The following ZNF562 variants were observed in gnomAD, a reference collection of about 807,000 sequenced individuals.
The protein encoded by ZNF562 is zinc finger protein 562.
A neutral mutation model predicts 17.5 loss-of-function variants in ZNF562; 13 were observed. That is an observed-to-expected ratio of 0.74 (90% CI 0.48 to 1.18). The LOEUF (loss-of-function observed/expected upper bound fraction) is 1.18. Ranked by LOEUF, ZNF562 falls within the 50% of genes most tolerant of loss-of-function variation. The pLI is 0.00. For synonymous variants in ZNF562, 163 were observed against 165.4 expected (o/e 0.99, Z 0.11); for missense variants, 481 against 498.5 (o/e 0.96, Z 0.33).
rs914689942 is a variant in ZNF562, at chr19:9,647,569, T to C, written c.*5380A>G. On this transcript the variant is annotated 3_prime_UTR_variant, in exon 6 of 6. Coordinates refer to ENST00000453372, the MANE Select transcript of ZNF562 (RefSeq NM_001130031.2). ...TAACTTTTTAAAATATTTTGCAGTA[T>C]TGGCCGGGCACAGTGGCTTGTGCCT... is the stretch of plus-strand genomic sequence containing the variant. The C allele has an allele frequency of 6.6e-6, 1 of 152,038 alleles. No homozygotes were observed. The highest frequency in any genetic ancestry group is 2.4e-5 in the African/African-American group (1 of 41,412). The allele number at this position is 152,038 out of a possible 1,614,324, so 9.4% of individuals were successfully genotyped here. A position where few individuals can be genotyped will look rare whatever the true frequency, so the allele number is the denominator to read the frequency against.
At position 9,649,401 on chromosome 19, in the gene ZNF562, C is replaced by A. The variant is rs2074837785; in HGVS notation, c.*3548G>T. The A allele has an allele frequency of 6.6e-6, 1 of 152,190 alleles. No homozygotes were observed. Among genetic ancestry groups the A allele is most frequent in the African/African-American group, 2.4e-5 (1 of 41,448 alleles). The allele number at this position is 152,190 out of a possible 1,614,324, so 9.4% of individuals were successfully genotyped here. On this transcript the variant is annotated 3_prime_UTR_variant, in exon 6 of 6. Coordinates refer to ENST00000453372, the MANE Select transcript of ZNF562 (RefSeq NM_001130031.2). ...GAAACAAGAGAGATAACCTTAAATTCTGACCGCCGGTGAGCCAGGTGGAAC... is the reference window on the plus strand; with the variant it reads ...GAAACAAGAGAGATAACCTTAAATTATGACCGCCGGTGAGCCAGGTGGAAC...
chr19:9,652,986 C>T lies in ZNF562; in HGVS notation c.1244G>A (p.Arg415His), dbSNP rs1304203141. The T allele has an allele frequency of 1.6e-5, 24 of 1,514,918 alleles. No individual in the cohort carries two copies. The highest frequency in any genetic ancestry group is 2.8e-5 in the South Asian group (2 of 72,120). 93.8% of individuals were successfully genotyped at this position (1,514,918 alleles called of 1,614,324 possible). A position where few individuals can be genotyped will look rare whatever the true frequency, so the allele number is the denominator to read the frequency against. Residue 415 changes from arginine (R) to histidine (H), a missense_variant, in exon 6 of 6, where the codon CGT becomes CAT. Arg to His is a conservative substitution (Grantham distance 29). Coordinates refer to ENST00000453372, the MANE Select transcript of ZNF562 (RefSeq NM_001130031.2). ...ACTGTGAGTTTTCAAATGTTTACTA[C>T]GATGGGAAGAAGTAATGAAGGTCTT... ...CGKTFITSSH[R>H]SKHLKTHSGE...
intron 2 of ZNF562, among the ~76,000 whole-genome samples, chr19:9,659,702 T>A (rs2043649086): frequency 6.6e-6 from 1 of 151,772 alleles, no homozygotes; most frequent in Non-Finnish European, 1.5e-5. Flanking sequence ...TCAAGGAAAC[T>A]TACACCCTGA....
At position 9,663,248 on chromosome 19, in the gene ZNF562, C is replaced by CA. The variant is rs59452070; in HGVS notation, c.-130-2375dup. On this transcript the variant is annotated intron_variant, in intron 1 of 5. Coordinates refer to ENST00000453372, the MANE Select transcript of ZNF562 (RefSeq NM_001130031.2). Reference sequence around the variant, plus strand: ...TGAAACCTCGTCTCTACTAAAAATACAAAAAAAAAAAAAATTGCCAGGCAT... The same window carrying CA: ...TGAAACCTCGTCTCTACTAAAAATACAAAAAAAAAAAAAAATTGCCAGGCAT... Among the ~76,000 whole-genome samples the CA allele has an allele frequency of 4.9e-3, 635 of 129,840 alleles. 7 individuals carry two copies. The highest frequency in any genetic ancestry group is 0.011 in the African/African-American group (381 of 34,202). The allele number at this position is 129,840 out of a possible 152,430, so 85.2% of individuals were successfully genotyped here.
At position 9,653,862 on chromosome 19, in the gene ZNF562, C is replaced by G. The variant is rs1036765930; in HGVS notation, c.368G>C (p.Gly123Ala). 1.9e-6 allele frequency: 3 copies of G among 1,584,424 alleles called. No individual in the cohort carries two copies. In the African/African-American group the frequency reaches 4.1e-5, roughly 21 times the overall value. The change falls in exon 6 of 6, where the codon GGA becomes GCA. Residue 123 changes from glycine (G) to alanine (A), a missense_variant. Coordinates refer to ENST00000453372, the MANE Select transcript of ZNF562 (RefSeq NM_001130031.2). ...TCCACAATTCTCACAGAGTTTCCAT[C>G]CACTGTAGCTTCTTGTCTGCTGATG... ...GIQMQTRSYS[G>A]WKLCENCGEV...
At position 9,647,688 on chromosome 19, in the gene ZNF562, T is replaced by C. The variant is rs1441696222; in HGVS notation, c.*5261A>G. The C allele has an allele frequency of 6.6e-6, 1 of 152,034 alleles. No homozygotes were observed. The highest frequency in any genetic ancestry group is 1.9e-4 in the East Asian group (1 of 5,170). 9.4% of individuals were successfully genotyped at this position (152,034 alleles called of 1,614,324 possible). Reference sequence around the variant, plus strand: ...GCCAACTTGATGAAACCGTCTCTACTAAAAATACAAAAATCAGCCAGGCAA... The same window carrying C: ...GCCAACTTGATGAAACCGTCTCTACCAAAAATACAAAAATCAGCCAGGCAA... On this transcript the variant is annotated 3_prime_UTR_variant, in exon 6 of 6. Coordinates refer to ENST00000453372, the MANE Select transcript of ZNF562 (RefSeq NM_001130031.2).
chr19:9,659,559 C>T, intron 2 of ZNF562, 92 bp from the exon 3 acceptor site: 5 of 1,441,854 alleles, frequency 3.5e-6, no homozygotes, highest in Non-Finnish European at 4.6e-6. Flanking sequence ...TTCCCATATG[C>T]TCCTGCACAC....
In ZNF562 at chr19:9,644,086, TACCTGGC is replaced by T; in HGVS notation, c.*8856_*8862del. The T allele has an allele frequency of 6.6e-6, 1 of 152,042 alleles. No individual in the cohort carries two copies. The highest frequency in any genetic ancestry group is 2.4e-5 in the African/African-American group (1 of 41,416). The allele number at this position is 152,042 out of a possible 1,614,324, so 9.4% of individuals were successfully genotyped here. On this transcript the variant is annotated 3_prime_UTR_variant, in exon 6 of 6. Coordinates refer to ENST00000453372, the MANE Select transcript of ZNF562 (RefSeq NM_001130031.2). Reference sequence around the variant, plus strand: ...GGGATTACAGGCATGTGAGCCACCGTACCTGGCTTACTTAGTGAATTTGTACCAATAT... The same window carrying T: ...GGGATTACAGGCATGTGAGCCACCGTTTACTTAGTGAATTTGTACCAATAT...
intron 3 of ZNF562, 46 bp downstream of exon 3, chr19:9,659,333 T>C: frequency 6.7e-7 from 1 of 1,483,794 alleles, no homozygotes; most frequent in Non-Finnish European, 9.2e-7. Context: ...GTCTACCTAT[T>C]GGATGTAAGT....
intron 1 of ZNF562, among the ~76,000 whole-genome samples, chr19:9,674,013 G>T (rs987345990): frequency 6.6e-6 from 1 of 152,210 alleles, no homozygotes; most frequent in Non-Finnish European, 1.5e-5. Context: ...AGAAGGGTGT[G>T]CCCTCACAGA....
In ZNF562 at chr19:9,653,606, T is replaced by C. The variant is rs149621448; in HGVS notation, c.624A>G (p.Glu208=). The C allele has an allele frequency of 3.5e-5, 56 of 1,614,048 alleles. No individual in the cohort carries two copies. The African/African-American group carries it at 7.1e-4, about 20-fold the overall frequency. ...LNGRQPYKCK[E]CGKGFKYFAS... ...CAAAATACTTAAAGCCTTTTCCACATTCCTTACATTTGTAGGGTTGTCTTC... is the reference window on the plus strand; with the variant it reads ...CAAAATACTTAAAGCCTTTTCCACACTCCTTACATTTGTAGGGTTGTCTTC... The change falls in exon 6 of 6, where the codon GAA becomes GAG. Residue 208 remains glutamate, a synonymous_variant. Coordinates refer to ENST00000453372, the MANE Select transcript of ZNF562 (RefSeq NM_001130031.2).
At position 9,655,717 on chromosome 19, in the gene ZNF562, CTTTTTTTTTTTTTTTTTTTT is replaced by C. The variant is rs58199071; in HGVS notation, c.348+810_348+829del. Among the ~76,000 whole-genome samples, 50 of 48,700 alleles carry C rather than the reference CTTTTTTTTTTTTTTTTTTTT, an allele frequency of 1.0e-3. 1 individual carries two copies. Among genetic ancestry groups the C allele is most frequent in the South Asian group, 9.7e-3 (7 of 722 alleles). The allele number at this position is 48,700 out of a possible 152,430, so 31.9% of individuals were successfully genotyped here. On this transcript the variant is annotated intron_variant, in intron 5 of 5. Coordinates refer to ENST00000453372, the MANE Select transcript of ZNF562 (RefSeq NM_001130031.2). Reference sequence around the variant, plus strand: ...TTACAGGATTCACTTTCTTTTCTTTCTTTTTTTTTTTTTTTTTTTTTTTTTTTTTTTTTTTAGATGGAGTC... The same window carrying C: ...TTACAGGATTCACTTTCTTTTCTTTCTTTTTTTTTTTTTTTAGATGGAGTC...
At position 9,645,110 on chromosome 19, in the gene ZNF562, C is replaced by G. The variant is rs1417706501; in HGVS notation, c.*7839G>C. 6.6e-6 allele frequency: 1 copy of G among 151,320 alleles called. No homozygotes were observed. Among genetic ancestry groups the G allele is most frequent in the Non-Finnish European group, 1.5e-5 (1 of 67,972 alleles). The allele number at this position is 151,320 out of a possible 1,614,324, so 9.4% of individuals were successfully genotyped here. ...GTCACCAGGCTGGAGTGCCGTGGCG[C>G]AATATCAGCTCACTGTAACCTCCAC... On this transcript the variant is annotated 3_prime_UTR_variant, in exon 6 of 6. Coordinates refer to ENST00000453372, the MANE Select transcript of ZNF562 (RefSeq NM_001130031.2).
At chr19:9,657,415 C>A (rs554140691) in intron 4 of ZNF562, among the ~76,000 whole-genome samples, 35 of 149,016 alleles carry the variant, frequency 2.3e-4, no homozygotes, top group East Asian at 3.9e-4. Context: ...CCAAAAAAAA[C>A]CAAAAGCAAA....
rs2074903032 is a variant in ZNF562, at chr19:9,653,353, A to G, written c.877T>C (p.Cys293Arg). 1.2e-6 allele frequency: 2 copies of G among 1,614,042 alleles called. No homozygotes were observed. The highest frequency in any genetic ancestry group is 1.7e-6 in the Non-Finnish European group (2 of 1,179,972). Residue 293 changes from cysteine (C) to arginine (R), a missense_variant, in exon 6 of 6, where the codon TGT (cysteine) becomes CGT (arginine). Around this residue, in one of 2 missense-constraint regions of ZNF562, gnomAD observed 403 missense variants for 386.4 expected, o/e 1.04. Transcript: ENST00000453372. ...KGEKSFECKECGRSFRNSSSF... is the reference protein window; with the variant it reads ...KGEKSFECKERGRSFRNSSSF... ...GAGGAATTTCTAAAGGATCTTCCACATTCTTTACATTCAAAGGACTTCTCT... is the reference window on the plus strand; with the variant it reads ...GAGGAATTTCTAAAGGATCTTCCACGTTCTTTACATTCAAAGGACTTCTCT...
rs763199630 is a variant in ZNF562, at chr19:9,648,588, C to G, written c.*4361G>C. 6.6e-6 allele frequency: 1 copy of G among 151,666 alleles called. No homozygotes were observed. The highest frequency in any genetic ancestry group is 1.5e-5 in the Non-Finnish European group (1 of 67,834). 9.4% of individuals were successfully genotyped at this position (151,666 alleles called of 1,614,324 possible). On this transcript the variant is annotated 3_prime_UTR_variant, in exon 6 of 6. Coordinates refer to ENST00000453372, the MANE Select transcript of ZNF562 (RefSeq NM_001130031.2). ...AAATTGCTGGGATTACAGGCATAAG[C>G]CCCCACACCCAGCCTGACCACATTT...
In ZNF562 at chr19:9,651,920, CA is replaced by C. The variant is rs2074872835; in HGVS notation, c.*1028del. 1 of 152,188 alleles carries C rather than the reference CA, an allele frequency of 6.6e-6. No homozygotes were observed. The highest frequency in any genetic ancestry group is 2.1e-4 in the South Asian group (1 of 4,832). 9.4% of individuals were successfully genotyped at this position (152,188 alleles called of 1,614,324 possible). ...CCACTGGGTTAGGGTCTCCACGACCCAGCTGGTCTCGGCAAAAATGCAAAAG... is the reference window on the plus strand; with the variant it reads ...CCACTGGGTTAGGGTCTCCACGACCCGCTGGTCTCGGCAAAAATGCAAAAG... On this transcript the variant is annotated 3_prime_UTR_variant, in exon 6 of 6. Transcript: ENST00000453372.
chr19:9,669,313 A>G (rs2044059928), intron 1 of ZNF562, among the ~76,000 whole-genome samples: 1 of 152,226 alleles, frequency 6.6e-6, no homozygotes, highest in African/African-American at 2.4e-5. Flanking sequence ...GTTTCTCAAA[A>G]AAAAGACATA....
In ZNF562 at chr19:9,673,151, C is replaced by T. The variant is rs555693569; in HGVS notation, c.-131+1864G>A. 1.4e-3 allele frequency among the ~76,000 whole-genome samples: 213 copies of T among 152,214 alleles called. 2 individuals are homozygous for T. The Middle Eastern group carries it at 0.02, about 15-fold the overall frequency. ...CCACCATCATGACTCACACATCCCC[C>T]TACCCTTCCTTATTTGGGGAAAATA... On this transcript the variant is annotated intron_variant, in intron 1 of 5. Coordinates refer to ENST00000453372, the MANE Select transcript of ZNF562 (RefSeq NM_001130031.2).
Sources: gnomAD v4.1 joint callset for allele counts (sites outside exome capture counted in the v4.1 genomes callset) on GRCh38, gnomAD v4.1.1 for gene constraint, gnomAD v4.1.1 regional missense constraint, MANE v1.5 for transcripts, NCBI Gene and HGNC (gene_info 2026-07-23, HGNC 2026-07-21) for gene names.